VWA5B1: variants seen among roughly 807,000 people sequenced by gnomAD.
VWA5B1 encodes von Willebrand factor A domain containing 5B1.
In VWA5B1, 115 loss-of-function variants were observed where a neutral mutation model predicts 118.2. That is an observed-to-expected ratio of 0.97 (90% confidence interval 0.84 to 1.14). VWA5B1 has a LOEUF of 1.14. Ranked by LOEUF, VWA5B1 falls within the 50% of genes most tolerant of loss-of-function variation. The pLI, the probability that VWA5B1 is intolerant of heterozygous loss-of-function variation, is 0.00. For synonymous variants in VWA5B1, 682 were observed against 658.4 expected, an observed-to-expected ratio of 1.04 and a Z score of -0.55; for missense variants, 1,596 against 1,603.8, an observed-to-expected ratio of 1.00 and a Z score of 0.08.
rs761864234 is a variant in VWA5B1 at position 20,317,658 on chromosome 1, G to A, written c.692G>A (p.Gly231Glu). Residue 231 changes from glycine to glutamate, a missense_variant, in exon 5 of 22, where the codon GGG (glycine) becomes GAG (glutamate). By Grantham distance (98) the Gly-to-Glu change is moderately conservative. Coordinates refer to ENST00000289815, the MANE Select transcript of VWA5B1 (RefSeq NM_001039500.3). Reference protein sequence around the residue: ...YEFNFQLEIRGPCLLAGVESP... With the variant: ...YEFNFQLEIREPCLLAGVESP... ...TTCAACTTCCAGCTGGAGATCCGTGGGCCATGTCTGCTCGCAGGTGAGAGG... is the reference window on the plus strand; with the variant it reads ...TTCAACTTCCAGCTGGAGATCCGTGAGCCATGTCTGCTCGCAGGTGAGAGG... 6.4e-7 allele frequency: 1 copy of A among 1,551,446 alleles called. No homozygotes were observed. Among genetic ancestry groups the A allele is most frequent in the South Asian group, 1.2e-5 (1 of 83,980 alleles).
chr1:20,338,002 A>G, intron 14 of VWA5B1, 166 bp downstream of exon 14: 1 of 881,568 alleles, frequency 1.1e-6, no homozygotes, highest in Non-Finnish European at 1.8e-6. Flanking sequence ...CTCCGAGGAC[A>G]CCTTCCAAAT....
intron 11 of VWA5B1, 49 bp from the exon 12 acceptor site, chr1:20,332,717 A>G: frequency 1.3e-6 from 2 of 1,536,402 alleles, no homozygotes; most frequent in Non-Finnish European, 1.8e-6. Flanking sequence ...TCTTCTGTAC[A>G]CATCTCTTCT....
At chr1:20,311,555 G>A (rs1001691011) in intron 2 of VWA5B1, among the ~76,000 whole-genome samples, 11 of 152,172 alleles carry the variant, frequency 7.2e-5, no homozygotes, top group African/African-American at 1.7e-4. Context: ...TATGAACCAC[G>A]GTCAGGGATG....
At chr1:20,329,960 GTTGGTGTTTCAGGCA>G (rs2089498713) in intron 9 of VWA5B1, among the ~76,000 whole-genome samples, 1 of 152,230 alleles carries the variant, frequency 6.6e-6, no homozygotes, top group South Asian at 2.1e-4. Context: ...AGGACAACTG[GTTGGTGTTTCAGGCA>G]TTGGTAGGGG....
chr1:20,334,458 G>T (rs2089658486), intron 12 of VWA5B1, among the ~76,000 whole-genome samples: 1 of 152,172 alleles, frequency 6.6e-6, no homozygotes, highest in Non-Finnish European at 1.5e-5. Context: ...TTCACATATT[G>T]TTGGTGTAAA....
intron 20 of VWA5B1, 85 bp downstream of exon 20, chr1:20,351,011 C>A: frequency 7.5e-7 from 1 of 1,338,028 alleles, no homozygotes; most frequent in Admixed American, 2.0e-5. Flanking sequence ...ACTTGGAAGG[C>A]CAAAGACAGG....
chr1:20,312,222 C>G (rs898735172), intron 2 of VWA5B1, among the ~76,000 whole-genome samples: 3 of 152,214 alleles, frequency 2.0e-5, no homozygotes, highest in African/African-American at 7.2e-5. Context: ...TGCATTTTAA[C>G]AAAATCCAAG....
At chr1:20,306,258 T>C (rs2088650450) in intron 1 of VWA5B1, among the ~76,000 whole-genome samples, 1 of 151,716 alleles carries the variant, frequency 6.6e-6, no homozygotes, top group Non-Finnish European at 1.5e-5. Flanking sequence ...GAGCGAGCCA[T>C]GAGCACGTGC....
rs2100940991 is a variant in VWA5B1 at position 20,332,819 on chromosome 1, G to A, written c.1626G>A (p.Val542=). The change falls in exon 12 of 22, where the codon GTG becomes GTA. Residue 542 remains valine (V), a synonymous_variant. Coordinates refer to ENST00000289815, the MANE Select transcript of VWA5B1 (RefSeq NM_001039500.3). ...AMAPVLSDVT[V]EWIFPETTEV... The stretch of plus-strand genomic sequence containing the variant: ...CCCCAGTCCTGAGCGATGTGACTGT[G>A]GAGTGGATCTTCCCTGAGACCACTG... 1.3e-6 allele frequency: 2 copies of A among 1,551,780 alleles called. No individual in the cohort carries two copies. The highest frequency in any genetic ancestry group is 4.9e-5 in the East Asian group (2 of 40,918).
chr1:20,330,992 C>A lies in VWA5B1; in HGVS notation c.1572+9C>A, dbSNP rs535184782. On this transcript the variant is annotated intron_variant, in intron 11 of 21. Coordinates refer to ENST00000289815, the MANE Select transcript of VWA5B1 (RefSeq NM_001039500.3). ...AGCGGCTGCAACCCAAGGTAGGCAG[C>A]AGAACCCACGCAGTCCCTTCTGGTG... is the stretch of plus-strand genomic sequence containing the variant. The A allele has an allele frequency of 1.6e-5, 25 of 1,539,796 alleles. No individual in the cohort carries two copies. The African/African-American group carries it at 3.4e-4, about 21-fold the overall frequency.
At position 20,350,187 on chromosome 1, in the gene VWA5B1, C is replaced by A. The variant is rs542187486; in HGVS notation, c.2910C>A (p.Ser970Arg). 10 of 1,551,060 alleles carry A rather than the reference C, an allele frequency of 6.4e-6. No individual in the cohort carries two copies. The South Asian group carries it at 1.2e-4, about 18-fold the overall frequency. The change falls in exon 19 of 22, where the codon AGC becomes AGA. Residue 970 changes from serine (S) to arginine (R), a missense_variant. By Grantham distance (110) the Ser-to-Arg change is moderately radical. Coordinates refer to ENST00000289815, the MANE Select transcript of VWA5B1 (RefSeq NM_001039500.3). ...AGGCAAGTCCCACTGCTCTCTTCAG[C>A]GAGGCCAGGTCCCCCGGCCGCGAGA... ...DMEASPTALFSEARSPGREKH... is the reference protein window; with the variant it reads ...DMEASPTALFREARSPGREKH...
chr1:20,349,816 G>T (rs531771792), intron 18 of VWA5B1, among the ~76,000 whole-genome samples: 38 of 149,144 alleles, frequency 2.5e-4, no homozygotes, highest in Admixed American at 4.1e-4. Flanking sequence ...CACTATCTGC[G>T]TATTATCTCA....
Position 20,325,040 on chromosome 1 carries a change from A to G in VWA5B1, c.1143+1508A>G, listed in dbSNP as rs187379191. ...GAGCATCACAGAAGCATAAACCTAA[A>G]ACATGCCTTAGGGAGCATTTAATCC... On this transcript the variant is annotated intron_variant, in intron 8 of 21. Coordinates refer to ENST00000289815, the MANE Select transcript of VWA5B1 (RefSeq NM_001039500.3). Among the ~76,000 whole-genome samples the G allele has an allele frequency of 2.8e-4, 42 of 152,274 alleles. 1 individual carries two copies. The East Asian group carries it at 6.0e-3, about 22-fold the overall frequency.
intron 9 of VWA5B1, among the ~76,000 whole-genome samples, chr1:20,328,787 C>T (rs1239581452): frequency 2.0e-5 from 3 of 152,070 alleles, no homozygotes; most frequent in Non-Finnish European, 4.4e-5. Context: ...ATTGATCATT[C>T]CACAATGTTT....
chr1:20,291,339 C>CTCTTTCTTTCTTTCTTTCTT (rs767987500), intron 1 of VWA5B1, among the ~76,000 whole-genome samples: 6 of 135,022 alleles, frequency 4.4e-5, no homozygotes, highest in African/African-American at 1.7e-4. Context: ...CTCTCTCTCT[C>CTCTTTCTTTCTTTCTTTCTT]TCTTTCTTTC....
At chr1:20,353,272 C>T (rs1318486755) in intron 21 of VWA5B1, among the ~76,000 whole-genome samples, 1 of 152,122 alleles carries the variant, frequency 6.6e-6, no homozygotes, top group Non-Finnish European at 1.5e-5. Flanking sequence ...TGAACTGAGC[C>T]TCCAAAAAGT....
chr1:20,304,466 G>A (rs114201351), intron 1 of VWA5B1, among the ~76,000 whole-genome samples: 2,067 of 152,044 alleles, frequency 0.014, 53 homozygotes, highest in African/African-American at 0.047. Context: ...GGACCCAATG[G>A]GGAGAGCCTT....
chr1:20,359,025 G>A lies in VWA5B1; in HGVS notation c.*4762G>A, dbSNP rs191432780. ...AGCCTCTCAACAGCACTGCCTCCCC[G>A]GGTTACCCGATGAGGTGGGATTTTT... is the stretch of plus-strand genomic sequence containing the variant. On this transcript the variant is annotated 3_prime_UTR_variant, in exon 22 of 22. Coordinates refer to ENST00000289815, the MANE Select transcript of VWA5B1 (RefSeq NM_001039500.3). Among the ~76,000 whole-genome samples, 10 of 152,302 alleles carry A rather than the reference G, an allele frequency of 6.6e-5. No homozygotes were observed. Among genetic ancestry groups the A allele is most frequent in the Admixed American group, 4.6e-4 (7 of 15,296 alleles).
chr1:20,358,113 TC>T lies in VWA5B1; in HGVS notation c.*3854del, dbSNP rs1190294729. On this transcript the variant is annotated 3_prime_UTR_variant, in exon 22 of 22. Coordinates refer to ENST00000289815, the MANE Select transcript of VWA5B1 (RefSeq NM_001039500.3). ...TCGGTTTCCAGCCGGCACCCATGTT[TC>T]CCCAGCCAGTCCCTTCTCTGCGGGC... is the stretch of plus-strand genomic sequence containing the variant. 6.6e-6 allele frequency among the ~76,000 whole-genome samples: 1 copy of T among 152,126 alleles called. No homozygotes were observed. The highest frequency in any genetic ancestry group is 1.9e-4 in the East Asian group (1 of 5,178).
Sources: gnomAD v4.1 joint callset for allele counts (sites outside exome capture counted in the v4.1 genomes callset) on GRCh38, gnomAD v4.1.1 for gene constraint, MANE v1.5 for transcripts, NCBI Gene and HGNC (gene_info 2026-07-23, HGNC 2026-07-21) for gene names.